The following METTL15 variants were observed in gnomAD, a reference collection of about 807,000 sequenced individuals.
METTL15 encodes methyltransferase 15, mitochondrial 12S rRNA N4-cytidine.
A neutral mutation model predicts 38.3 loss-of-function variants in METTL15; 34 were observed. That is an observed-to-expected ratio of 0.89 (90% CI 0.68 to 1.18). The LOEUF (loss-of-function observed/expected upper bound fraction) is 1.18, where lower values mean the gene tolerates loss of function less well. Ranked by LOEUF, METTL15 falls within the 50% of genes most tolerant of loss-of-function variation. The pLI is 0.00. For synonymous variants in METTL15, 162 were observed against 170.9 expected, an observed-to-expected ratio of 0.95 and a Z score of 0.41; for missense variants, 438 against 498.4, an observed-to-expected ratio of 0.88 and a Z score of 1.15.
chr11:28,341,634 A>G (rs143950819), intron 3 of METTL15, among the ~76,000 whole-genome samples: 1 of 152,318 alleles, frequency 6.6e-6, no homozygotes, highest in East Asian at 1.9e-4. Context: ...ATGAATATTT[A>G]TATATACAAG....
intron 5 of METTL15, among the ~76,000 whole-genome samples, chr11:28,407,491 C>T (rs1246264996): frequency 2.0e-5 from 3 of 151,980 alleles, no homozygotes; most frequent in East Asian, 1.9e-4. Flanking sequence ...CTTTAAAAAG[C>T]GGGCAAAGGA....
intron 4 of METTL15, among the ~76,000 whole-genome samples, chr11:28,359,833 A>G (rs1252817055): frequency 6.6e-6 from 1 of 152,200 alleles, no homozygotes; most frequent in East Asian, 1.9e-4. Context: ...GTGATATGAA[A>G]TAACTTTAAT....
intron 4 of METTL15, among the ~76,000 whole-genome samples, chr11:28,231,622 C>G (rs775127099): frequency 1.3e-5 from 2 of 151,574 alleles, no homozygotes; most frequent in Non-Finnish European, 3.0e-5. Context: ...TTTTTCATAC[C>G]CTCCTTGAAA....
At chr11:28,307,117 C>T (rs1260468324) in intron 6 of METTL15, among the ~76,000 whole-genome samples, 3 of 151,816 alleles carry the variant, frequency 2.0e-5, no homozygotes, top group African/African-American at 7.2e-5. Context: ...TTTCTAATCA[C>T]TTAGAATCAC....
At chr11:28,442,245 G>A (rs1403956367) in intron 6 of METTL15, among the ~76,000 whole-genome samples, 1 of 152,094 alleles carries the variant, frequency 6.6e-6, no homozygotes, top group Non-Finnish European at 1.5e-5. Context: ...TAGTTATTTG[G>A]GAATTTGCTC....
At chr11:28,271,268 A>G (rs1035164482) in intron 4 of METTL15, among the ~76,000 whole-genome samples, 10 of 152,144 alleles carry the variant, frequency 6.6e-5, no homozygotes, top group African/African-American at 2.2e-4. Context: ...AACCCAAATA[A>G]TTGACCCTAA....
chr11:28,452,486 T>C (rs1851131581), intron 6 of METTL15, among the ~76,000 whole-genome samples: 1 of 152,210 alleles, frequency 6.6e-6, no homozygotes, highest in Non-Finnish European at 1.5e-5. Context: ...AACAATGCTG[T>C]ATGTGATACA....
At chr11:28,484,049 G>A (rs557948652) in intron 6 of METTL15, among the ~76,000 whole-genome samples, 153 of 152,182 alleles carry the variant, frequency 1.0e-3, no homozygotes, top group Non-Finnish European at 1.6e-3. Context: ...CATATTAGGA[G>A]CTAGAAGATA....
At chr11:28,130,431 C>T (rs980885691) in intron 3 of METTL15, among the ~76,000 whole-genome samples, 10 of 152,006 alleles carry the variant, frequency 6.6e-5, no homozygotes, top group African/African-American at 2.4e-4. Context: ...ATGCACATAA[C>T]CATAATAGTC....
chr11:28,189,964 G>C (rs189214128), intron 3 of METTL15, among the ~76,000 whole-genome samples: 154 of 151,144 alleles, frequency 1.0e-3, no homozygotes, highest in African/African-American at 3.4e-3. Flanking sequence ...TTTATAATTT[G>C]TTTTTTTCAG....
At chr11:28,217,660 T>TA (rs1378396154) in intron 4 of METTL15, among the ~76,000 whole-genome samples, 1 of 152,228 alleles carries the variant, frequency 6.6e-6, no homozygotes, top group African/African-American at 2.4e-5. Context: ...TGGTATTGCC[T>TA]AGGTTTTCTT....
chr11:28,525,213 C>A (rs565576144), intron 6 of METTL15, among the ~76,000 whole-genome samples: 13 of 152,132 alleles, frequency 8.5e-5, no homozygotes, highest in African/African-American at 2.7e-4. Flanking sequence ...AGGACCTGAG[C>A]GGGTTGCCAC....
rs191434515 is a variant in METTL15, at chr11:28,343,808, A to G, written c.*190-8282A>G. 1.6e-3 allele frequency among the ~76,000 whole-genome samples: 246 copies of G among 152,316 alleles called. 1 individual carries two copies. The highest frequency in any genetic ancestry group is 3.4e-3 in the Middle Eastern group (1 of 294). On this transcript the variant is annotated intron_variant and NMD_transcript_variant, in intron 3 of 7. Coordinates refer to the METTL15 transcript ENST00000532947. The stretch of plus-strand genomic sequence containing the variant: ...ATTTGCAAGGCACTGGGGGCAATAG[A>G]GTAAAAAAAGTGCTTCTTGTTCTTG...
chr11:28,432,357 T>C (rs1297679846), intron 6 of METTL15, among the ~76,000 whole-genome samples: 1 of 152,256 alleles, frequency 6.6e-6, no homozygotes, highest in East Asian at 1.9e-4. Flanking sequence ...TCAATAATTA[T>C]GGCTGTAATC....
chr11:28,441,326 G>T (rs1851033217), intron 6 of METTL15, among the ~76,000 whole-genome samples: 1 of 151,910 alleles, frequency 6.6e-6, no homozygotes, highest in East Asian at 1.9e-4. Flanking sequence ...GGTTAAATAT[G>T]TTATTAAATA....
At chr11:28,180,483 G>A (rs1851242732) in intron 3 of METTL15, among the ~76,000 whole-genome samples, 1 of 151,664 alleles carries the variant, frequency 6.6e-6, no homozygotes. Flanking sequence ...GACTTGTTTG[G>A]TCTAGTCAAT....
chr11:28,228,030 G>GT (rs1386984464), intron 4 of METTL15, among the ~76,000 whole-genome samples: 2 of 151,874 alleles, frequency 1.3e-5, no homozygotes, highest in Non-Finnish European at 2.9e-5. Context: ...ACTAAATTTT[G>GT]TAAGACCCTC....
intron 3 of METTL15, among the ~76,000 whole-genome samples, chr11:28,208,845 G>A (rs893121240): frequency 6.6e-6 from 1 of 151,934 alleles, no homozygotes. Flanking sequence ...GTGCTGGTTG[G>A]CTCATGAGGC....
intron 6 of METTL15, among the ~76,000 whole-genome samples, chr11:28,488,587 T>G (rs1018157821): frequency 6.6e-6 from 1 of 152,206 alleles, no homozygotes; most frequent in Non-Finnish European, 1.5e-5. Flanking sequence ...AGTTGAATTC[T>G]CAGTTCTGAG....
Sources: gnomAD v4.1 joint callset for allele counts (sites outside exome capture counted in the v4.1 genomes callset) on GRCh38, gnomAD v4.1.1 for gene constraint, MANE v1.5 for transcripts, NCBI Gene and HGNC (gene_info 2026-07-23, HGNC 2026-07-21) for gene names.